CSMD1: variants seen among roughly 807,000 people sequenced by gnomAD.
The protein encoded by CSMD1 is CUB and sushi domain-containing protein 1.
A neutral mutation model predicts 417.5 loss-of-function variants in CSMD1; 213 were observed. That is an observed-to-expected ratio of 0.51 (90% CI 0.46 to 0.57). CSMD1 has a LOEUF of 0.57. CSMD1 is among the 20% of genes least tolerant of loss of function. CSMD1 has a pLI of 0.00. For synonymous variants in CSMD1, 2,862 were observed against 1,736.8 expected, an observed-to-expected ratio of 1.65 and a Z score of -16.11; for missense variants, 6,923 against 4,529.7, an observed-to-expected ratio of 1.53 and a Z score of -15.17.
At chr8:4,675,117 T>G (rs1405767740) in intron 1 of CSMD1, among the ~76,000 whole-genome samples, 1 of 152,238 alleles carries the variant, frequency 6.6e-6, no homozygotes, top group South Asian at 2.1e-4. Context: ...TATTTTGTTA[T>G]GGCAGCCTGA....
intron 5 of CSMD1, among the ~76,000 whole-genome samples, chr8:3,986,617 T>G (rs963482251): frequency 6.6e-5 from 10 of 152,154 alleles, no homozygotes; most frequent in African/African-American, 2.4e-4. Context: ...GCAACATACC[T>G]AAATCATGAT....
chr8:3,656,500 T>C (rs1205720080), intron 7 of CSMD1, among the ~76,000 whole-genome samples: 3 of 152,178 alleles, frequency 2.0e-5, no homozygotes, highest in Admixed American at 6.5e-5. Flanking sequence ...CATTATGCAA[T>C]AGTGCAGTCC....
At position 4,289,913 on chromosome 8, in the gene CSMD1, G is replaced by A. The variant is rs193136154; in HGVS notation, c.415+130040C>T. Among the ~76,000 whole-genome samples the A allele has an allele frequency of 3.1e-4, 47 of 152,330 alleles. No individual in the cohort carries two copies. In the East Asian group the frequency reaches 8.3e-3, roughly 27 times the overall value. On this transcript the variant is annotated intron_variant, in intron 3 of 69. Coordinates refer to ENST00000635120, the MANE Select transcript of CSMD1 (RefSeq NM_033225.6). ...GGAATGAATCAAATGGTACCTCTGA[G>A]TGCAAGTGAGTAATTAGAATCATTA...
intron 5 of CSMD1, among the ~76,000 whole-genome samples, chr8:3,901,847 T>C (rs1222387918): frequency 2.0e-5 from 3 of 152,216 alleles, no homozygotes; most frequent in African/African-American, 7.2e-5. Context: ...GATATTACCA[T>C]GGTTTTATTA....
rs1301008122 is a variant in CSMD1, at chr8:4,876,606, T to C, written c.85+117726A>G. The stretch of plus-strand genomic sequence containing the variant: ...CATAATATAGCCTTTTTTTGTAAAC[T>C]TAGCACATCAGTTCACAATAGGTTA... On this transcript the variant is annotated intron_variant, in intron 1 of 69. Transcript: ENST00000635120. Among the ~76,000 whole-genome samples, 3 of 152,134 alleles carry C rather than the reference T, an allele frequency of 2.0e-5. No individual in the cohort carries two copies. In the East Asian group the frequency reaches 5.8e-4, roughly 29 times the overall value.
intron 1 of CSMD1, among the ~76,000 whole-genome samples, chr8:4,866,365 C>T (rs1802419403): frequency 6.6e-6 from 1 of 151,972 alleles, no homozygotes; most frequent in African/African-American, 2.4e-5. Context: ...ATAACAACTA[C>T]TGTCTTTGAA....
chr8:4,843,713 A>T (rs1800969750), intron 1 of CSMD1, among the ~76,000 whole-genome samples: 1 of 152,220 alleles, frequency 6.6e-6, no homozygotes, highest in South Asian at 2.1e-4. Flanking sequence ...AGAATATATT[A>T]TTCTGTTTTA....
chr8:3,261,373 C>G (rs1236009178), intron 26 of CSMD1, among the ~76,000 whole-genome samples: 1 of 152,136 alleles, frequency 6.6e-6, no homozygotes, highest in Non-Finnish European at 1.5e-5. Context: ...GAAATAGAAA[C>G]TTACGTTCCC....
chr8:3,907,198 C>A (rs1225702779), intron 5 of CSMD1, among the ~76,000 whole-genome samples: 2 of 152,162 alleles, frequency 1.3e-5, no homozygotes, highest in African/African-American at 2.4e-5. Flanking sequence ...AATCAGCGAT[C>A]TGATCTCATA....
intron 11 of CSMD1, among the ~76,000 whole-genome samples, chr8:3,489,276 T>C (rs1818231894): frequency 6.6e-6 from 1 of 152,328 alleles, no homozygotes; most frequent in African/African-American, 2.4e-5. Context: ...TCCTGATTTG[T>C]TAATCCACAC....
intron 28 of CSMD1, 95 bp from the exon 29 acceptor site, chr8:3,219,537 T>A: frequency 1.1e-6 from 1 of 904,558 alleles, no homozygotes. Context: ...TTTTATTTGC[T>A]TTTGTATAAT....
chr8:3,663,840 C>A (rs903905035), intron 7 of CSMD1, among the ~76,000 whole-genome samples: 4 of 152,116 alleles, frequency 2.6e-5, no homozygotes, highest in East Asian at 1.9e-4. Context: ...ACCGGGGGCA[C>A]GTGTTATCAG....
At chr8:4,243,855 T>A (rs1375240727) in intron 3 of CSMD1, among the ~76,000 whole-genome samples, 1 of 152,148 alleles carries the variant, frequency 6.6e-6, no homozygotes, top group Non-Finnish European at 1.5e-5. Flanking sequence ...GTAGGGACTG[T>A]GTTATTGCCT....
intron 5 of CSMD1, among the ~76,000 whole-genome samples, chr8:3,774,937 G>A (rs2720763): frequency 0.3 from 45,036 of 151,896 alleles, 8,277 homozygotes; most frequent in African/African-American, 0.52. Flanking sequence ...TGACTGACCA[G>A]CGAGACGGGA....
chr8:4,351,630 G>T (rs373161808), intron 3 of CSMD1, among the ~76,000 whole-genome samples: 2 of 152,200 alleles, frequency 1.3e-5, no homozygotes, highest in East Asian at 1.9e-4. Flanking sequence ...TGAGAAAGGA[G>T]ATGAGGGAGG....
intron 49 of CSMD1, among the ~76,000 whole-genome samples, chr8:3,057,781 T>C (rs899748412): frequency 4.6e-5 from 7 of 152,212 alleles, no homozygotes; most frequent in African/African-American, 1.2e-4. Context: ...GCCCGGACTA[T>C]TGTGATTATG....
At chr8:3,318,797 C>G (rs770714646) in intron 23 of CSMD1, among the ~76,000 whole-genome samples, 1 of 152,162 alleles carries the variant, frequency 6.6e-6, no homozygotes, top group Non-Finnish European at 1.5e-5. Context: ...GCAGCCCACA[C>G]ACACAGACAG....
chr8:3,584,717 A>G (rs1406423621), intron 9 of CSMD1, among the ~76,000 whole-genome samples: 1 of 152,354 alleles, frequency 6.6e-6, no homozygotes, highest in Non-Finnish European at 1.5e-5. Context: ...CACATTTACT[A>G]TTTGTCTAAA....
intron 2 of CSMD1, among the ~76,000 whole-genome samples, chr8:4,548,332 AC>A (rs1470916514): frequency 1.3e-5 from 2 of 152,114 alleles, no homozygotes; most frequent in Non-Finnish European, 2.9e-5. Context: ...TAATAATATC[AC>A]CCCAAGAAGC....
Sources: gnomAD v4.1 joint callset for allele counts (sites outside exome capture counted in the v4.1 genomes callset) on GRCh38, gnomAD v4.1.1 for gene constraint, MANE v1.5 for transcripts, NCBI Gene and HGNC (gene_info 2026-07-23, HGNC 2026-07-21) for gene names.